SLC29A3: variants seen among roughly 807,000 people sequenced by gnomAD.
SLC29A3 encodes the protein solute carrier family 29 member 3.
In SLC29A3, 18 loss-of-function variants were observed where a neutral mutation model predicts 25.4. That is an observed-to-expected ratio of 0.71 (90% CI 0.49 to 1.05). The LOEUF is 1.05. SLC29A3 is among the 50% of genes least tolerant of loss of function. The pLI, the probability that SLC29A3 is intolerant of heterozygous loss-of-function variation, is 0.00. For missense variants in SLC29A3, 586 were observed against 609.0 expected, an observed-to-expected ratio of 0.96 and a Z score of 0.40; for synonymous variants, 258 against 267.1, an observed-to-expected ratio of 0.97 and a Z score of 0.33.
intron 4 of SLC29A3, among the ~76,000 whole-genome samples, chr10:71,376,958 T>A (rs1318215445): frequency 6.6e-6 from 1 of 151,858 alleles, no homozygotes; most frequent in Non-Finnish European, 1.5e-5. Flanking sequence ...ATATTTTTAG[T>A]AGAGGCGAGG....
At chr10:71,373,231 ATGT>A (rs1177116278) in intron 3 of SLC29A3, among the ~76,000 whole-genome samples, 3 of 152,210 alleles carry the variant, frequency 2.0e-5, no homozygotes, top group African/African-American at 4.8e-5. Flanking sequence ...TTTTCTAATA[ATGT>A]TGTGTGAATT....
chr10:71,339,905 G>C (rs750558591), intron 2 of SLC29A3, among the ~76,000 whole-genome samples: 2 of 151,796 alleles, frequency 1.3e-5, no homozygotes, highest in Non-Finnish European at 2.9e-5. Flanking sequence ...CCAGGCTTGC[G>C]TCCACCTCCC....
At chr10:71,350,854 A>C (rs936123002) in intron 3 of SLC29A3, among the ~76,000 whole-genome samples, 2 of 152,202 alleles carry the variant, frequency 1.3e-5, no homozygotes, top group Admixed American at 1.3e-4. Flanking sequence ...CTAGTTCCTC[A>C]GCCTCTCTGA....
intron 2 of SLC29A3, among the ~76,000 whole-genome samples, chr10:71,323,965 A>G (rs1339196854): frequency 6.6e-6 from 1 of 152,168 alleles, no homozygotes; most frequent in Non-Finnish European, 1.5e-5. Flanking sequence ...AATTTTGTTT[A>G]GTTGACAGGG....
intron 3 of SLC29A3, among the ~76,000 whole-genome samples, chr10:71,371,861 G>A (rs1847213913): frequency 6.6e-6 from 1 of 152,198 alleles, no homozygotes; most frequent in Non-Finnish European, 1.5e-5. Flanking sequence ...CAGGGCAGAG[G>A]TTATCCTGAC....
intron 1 of SLC29A3, among the ~76,000 whole-genome samples, chr10:71,320,382 A>G (rs79205135): frequency 0.022 from 3,372 of 152,328 alleles, 130 homozygotes; most frequent in African/African-American, 0.077. Context: ...ACAAAATAGC[A>G]TAGACTGGGT....
rs1057427583 is a variant in SLC29A3 at position 71,350,644 on chromosome 10, G to A, written c.384-918G>A. Among the ~76,000 whole-genome samples the A allele has an allele frequency of 5.3e-5, 8 of 152,258 alleles. No homozygotes were observed. In the East Asian group the frequency reaches 5.8e-4, roughly 11 times the overall value. ...GCAGGCATGGTGCTGGGGAGTGTGG[G>A]GGTTCCCTTGGCCCCAGGCAGCACT... On this transcript the variant is annotated intron_variant, in intron 3 of 5. Transcript: ENST00000373189.
At chr10:71,350,314 C>CGT (rs775651402) in intron 3 of SLC29A3, among the ~76,000 whole-genome samples, 17,405 of 142,422 alleles carry the variant, frequency 0.12, 1,300 homozygotes, top group South Asian at 0.25. Flanking sequence ...TTCACACCTA[C>CGT]GTGTGTGTGT....
At chr10:71,369,644 C>G (rs1847196380) in intron 3 of SLC29A3, among the ~76,000 whole-genome samples, 1 of 152,208 alleles carries the variant, frequency 6.6e-6, no homozygotes, top group African/African-American at 2.4e-5. Flanking sequence ...TGGCCATGAG[C>G]TTGGGAGCAG....
In SLC29A3 at chr10:71,362,947, C is replaced by G. The variant is rs1356204045; in HGVS notation, c.*339C>G. ...TGTTCGCCCTAGAGTTATTACAAAG[C>G]CAGTGCCAAAACCCAGCCATGGGCT... On this transcript the variant is annotated 3_prime_UTR_variant, in exon 6 of 6. Coordinates refer to ENST00000373189, the MANE Select transcript of SLC29A3 (RefSeq NM_018344.6). 3 of 505,206 alleles carry G rather than the reference C, an allele frequency of 5.9e-6. No homozygotes were observed. Among genetic ancestry groups the G allele is most frequent in the Non-Finnish European group, 1.1e-5 (3 of 261,212 alleles). 31.3% of individuals were successfully genotyped at this position (505,206 alleles called of 1,614,324 possible).
At chr10:71,333,460 A>G (rs1846168526) in intron 2 of SLC29A3, among the ~76,000 whole-genome samples, 1 of 152,246 alleles carries the variant, frequency 6.6e-6, no homozygotes, top group Non-Finnish European at 1.5e-5. Flanking sequence ...AGGCGGGAGC[A>G]GTCTGTTGTT....
intron 2 of SLC29A3, among the ~76,000 whole-genome samples, chr10:71,342,320 C>T (rs1846430712): frequency 6.6e-6 from 1 of 152,232 alleles, no homozygotes; most frequent in Admixed American, 6.5e-5. Context: ...CTGATCTGTG[C>T]TCATGGAATG....
downstream of SLC29A3, among the ~76,000 whole-genome samples, chr10:71,363,733 A>G (rs1376847756): frequency 1.3e-5 from 2 of 151,856 alleles, no homozygotes; most frequent in South Asian, 2.1e-4. Flanking sequence ...TCAGCTTCCC[A>G]AAGTGCTGGG....
rs562984637 is a variant in SLC29A3 at position 71,358,100 on chromosome 10, G to T, written c.773+1857G>T. ...GCTGGGGAAACTGAAGCTTTGGAGA[G>T]TTCACAAGCATGCCCCAGGTCACTC... On this transcript the variant is annotated intron_variant, in intron 5 of 5. Transcript: ENST00000373189. Among the ~76,000 whole-genome samples the T allele has an allele frequency of 9.2e-5, 14 of 152,324 alleles. 1 individual carries two copies. Among genetic ancestry groups the T allele is most frequent in the African/African-American group, 3.1e-4 (13 of 41,570 alleles).
At chr10:71,337,134 G>A (rs1186760961) in intron 2 of SLC29A3, among the ~76,000 whole-genome samples, 6 of 152,320 alleles carry the variant, frequency 3.9e-5, no homozygotes, top group Admixed American at 3.9e-4. Context: ...CCTGGCCCCT[G>A]GAACAGGCAT....
intron 5 of SLC29A3, among the ~76,000 whole-genome samples, chr10:71,357,447 C>A (rs1264667146): frequency 6.6e-6 from 1 of 152,060 alleles, no homozygotes; most frequent in Non-Finnish European, 1.5e-5. Flanking sequence ...GACAGAGTCT[C>A]ACTATGTTGC....
At chr10:71,342,457 A>G (rs1846435297) in intron 2 of SLC29A3, among the ~76,000 whole-genome samples, 1 of 152,226 alleles carries the variant, frequency 6.6e-6, no homozygotes, top group African/African-American at 2.4e-5. Flanking sequence ...ATTAAATGAT[A>G]CCTTTTACTG....
At chr10:71,374,513 A>T (rs1165244455) in intron 3 of SLC29A3, among the ~76,000 whole-genome samples, 1 of 151,586 alleles carries the variant, frequency 6.6e-6, no homozygotes, top group African/African-American at 2.4e-5. Flanking sequence ...AAGAGGCTCC[A>T]TGTTGGGGTG....
intron 5 of SLC29A3, among the ~76,000 whole-genome samples, chr10:71,360,012 C>T (rs1043916391): frequency 6.6e-6 from 1 of 152,074 alleles, no homozygotes; most frequent in Admixed American, 6.6e-5. Flanking sequence ...ATAAGGAAGA[C>T]ACTTCTATAG....
Sources: allele counts gnomAD v4.1 joint callset (sites outside exome capture counted in the v4.1 genomes callset), GRCh38; gene constraint gnomAD v4.1.1; transcripts MANE v1.5; gene names NCBI Gene and HGNC (gene_info 2026-07-23, HGNC 2026-07-21).